The following LMOD1 variants were observed in gnomAD, a reference collection of about 807,000 sequenced individuals.
LMOD1 encodes the protein leiomodin-1.
Under a neutral mutation model 36.5 loss-of-function variants are expected in LMOD1, and 8 were observed. That is an observed-to-expected ratio of 0.22 (90% CI 0.13 to 0.40). The LOEUF is 0.40. Among genes scored for constraint, LMOD1 ranks in the 10% least tolerant of loss-of-function variants. LMOD1 has a pLI of 1.00. For synonymous variants in LMOD1, 284 were observed against 288.7 expected (o/e 0.98, Z 0.17); for missense variants, 630 against 751.1 (o/e 0.84, Z 1.88).
chr1:201,900,115 T>G lies in LMOD1; in HGVS notation c.898A>C (p.Thr300Pro). Residue 300 changes from threonine (T) to proline (P), a missense_variant, in exon 2 of 3, where the codon ACC (threonine) becomes CCC (proline). By Grantham distance (38) the Thr-to-Pro change is conservative. Around this residue, in one of 3 missense-constraint regions of LMOD1, gnomAD observed 405 missense variants for 400.6 expected, o/e 1.01. Transcript: ENST00000367288. ...TTGGCCGGTCCTTCAGAGGGCTTGG[T>G]GGGGCCACTGGGCGTCTGTTTCTCG... ...TPEKQTPSGPTKPSEGPAKVE... is the reference protein window; with the variant it reads ...TPEKQTPSGPPKPSEGPAKVE... The G allele has an allele frequency of 6.2e-7, 1 of 1,613,972 alleles. No homozygotes were observed. The highest frequency in any genetic ancestry group is 8.5e-7 in the Non-Finnish European group (1 of 1,179,872).
At chr1:201,938,575 T>C (rs1461166605) in intron 1 of LMOD1, among the ~76,000 whole-genome samples, 1 of 152,130 alleles carries the variant, frequency 6.6e-6, no homozygotes, top group Non-Finnish European at 1.5e-5. Context: ...TAGACTCATA[T>C]AGTCTGCACT....
chr1:201,924,855 AGT>A (rs962772288), intron 1 of LMOD1, among the ~76,000 whole-genome samples: 23 of 152,182 alleles, frequency 1.5e-4, no homozygotes, highest in Admixed American at 1.4e-3. Context: ...ATTGCACTCT[AGT>A]GTGTGTGACA....
intron 1 of LMOD1, among the ~76,000 whole-genome samples, chr1:201,924,748 G>A (rs1681800288): frequency 6.6e-6 from 1 of 151,810 alleles, no homozygotes; most frequent in East Asian, 1.9e-4. Flanking sequence ...GAAATAGCCA[G>A]TCATAGTGGC....
intron 1 of LMOD1, among the ~76,000 whole-genome samples, chr1:201,941,357 C>G (rs1682111781): frequency 6.6e-6 from 1 of 152,132 alleles, no homozygotes; most frequent in Non-Finnish European, 1.5e-5. Context: ...AAGAAACAAG[C>G]AGTTGCTTTT....
At position 201,896,891 on chromosome 1, in the gene LMOD1, A is replaced by AC. The variant is rs566304389; in HGVS notation, c.*1480dup. ...AGCGATCTTGCTTCCTAGCTGGGGC[A>AC]CCCCACCCTCACCTCAAAGATGGTG... On this transcript the variant is annotated 3_prime_UTR_variant, in exon 3 of 3. Transcript: ENST00000367288. 4.0e-4 allele frequency: 142 copies of AC among 358,844 alleles called. 1 individual carries two copies. Among genetic ancestry groups the AC allele is most frequent in the African/African-American group, 2.5e-3 (120 of 47,066 alleles). The allele number at this position is 358,844 out of a possible 1,614,324, so 22.2% of individuals were successfully genotyped here.
chr1:201,945,318 C>T (rs772440328), intron 1 of LMOD1, among the ~76,000 whole-genome samples: 21 of 152,270 alleles, frequency 1.4e-4, no homozygotes, highest in Non-Finnish European at 2.8e-4. Context: ...CCTTTTCCCT[C>T]CTCTATGACT....
chr1:201,934,995 G>A (rs998271984), intron 1 of LMOD1, among the ~76,000 whole-genome samples: 1 of 152,148 alleles, frequency 6.6e-6, no homozygotes, highest in Non-Finnish European at 1.5e-5. Context: ...TCTCTTCTAG[G>A]CTCATGGCTT....
intron 1 of LMOD1, among the ~76,000 whole-genome samples, chr1:201,903,526 G>C (rs1382714644): frequency 6.6e-6 from 1 of 152,228 alleles, no homozygotes; most frequent in Non-Finnish European, 1.5e-5. Flanking sequence ...TGATTTGAAA[G>C]GGACAGAAGG....
Position 201,901,966 on chromosome 1 carries a change from A to AT in LMOD1, c.262-1216dup, listed in dbSNP as rs11349780. On this transcript the variant is annotated intron_variant, in intron 1 of 2. Transcript: ENST00000367288. ...TATCATTATTATTGTTATTATTATT[A>AT]TTTTTTTTTTTTAGAGATGGGGGTC... Among the ~76,000 whole-genome samples, 297 of 110,460 alleles carry AT rather than the reference A, an allele frequency of 2.7e-3. 3 individuals are homozygous for AT. Among genetic ancestry groups the AT allele is most frequent in the Non-Finnish European group, 4.9e-3 (223 of 45,434 alleles). The allele number at this position is 110,460 out of a possible 152,430, so 72.5% of individuals were successfully genotyped here. A position where few individuals can be genotyped will look rare whatever the true frequency, so the allele number is the denominator to read the frequency against.
chr1:201,925,896 G>A (rs1405839173), intron 1 of LMOD1, among the ~76,000 whole-genome samples: 1 of 151,692 alleles, frequency 6.6e-6, no homozygotes, highest in African/African-American at 2.4e-5. Flanking sequence ...TGGAGAGACT[G>A]GGGGGCGGGG....
chr1:201,907,637 C>CA (rs371305816), intron 1 of LMOD1, among the ~76,000 whole-genome samples: 4 of 152,350 alleles, frequency 2.6e-5, no homozygotes, highest in African/African-American at 9.6e-5. Flanking sequence ...AAGCCTCCCC[C>CA]AAACCCACCC....
chr1:201,937,746 A>G (rs915987055), intron 1 of LMOD1, among the ~76,000 whole-genome samples: 7 of 152,346 alleles, frequency 4.6e-5, no homozygotes, highest in Non-Finnish European at 8.8e-5. Flanking sequence ...ATCCTGGGGA[A>G]CAGAGTGAGA....
At chr1:201,941,858 G>A (rs1055800935) in intron 1 of LMOD1, among the ~76,000 whole-genome samples, 1 of 152,196 alleles carries the variant, frequency 6.6e-6, no homozygotes, top group East Asian at 1.9e-4. Flanking sequence ...GGGTACAGGC[G>A]CTAATCCCCA....
intron 1 of LMOD1, among the ~76,000 whole-genome samples, chr1:201,909,744 C>T (rs1681462992): frequency 6.6e-6 from 1 of 152,214 alleles, no homozygotes; most frequent in Non-Finnish European, 1.5e-5. Context: ...GCCCCAGGTG[C>T]CTCTCATCCA....
chr1:201,916,508 C>T (rs897612482), intron 1 of LMOD1, among the ~76,000 whole-genome samples: 4 of 127,568 alleles, frequency 3.1e-5, no homozygotes, highest in Admixed American at 8.8e-5. Flanking sequence ...GAGAGAGACC[C>T]TGTCTCAAAA....
At chr1:201,908,697 G>T (rs1005110730) in intron 1 of LMOD1, among the ~76,000 whole-genome samples, 1 of 152,140 alleles carries the variant, frequency 6.6e-6, no homozygotes, top group Non-Finnish European at 1.5e-5. Context: ...GCAGGAGAGA[G>T]TAAGAACACT....
At chr1:201,941,644 T>A (rs976963705) in intron 1 of LMOD1, among the ~76,000 whole-genome samples, 3 of 152,110 alleles carry the variant, frequency 2.0e-5, no homozygotes, top group African/African-American at 7.2e-5. Context: ...CCCGGCCCCG[T>A]AGAGATACCA....
chr1:201,908,638 G>A (rs568936613), intron 1 of LMOD1, among the ~76,000 whole-genome samples: 67 of 152,176 alleles, frequency 4.4e-4, no homozygotes, highest in East Asian at 2.9e-3. Context: ...TGTACTTTCC[G>A]AGACTACTGA....
rs372675005 is a variant in LMOD1, at chr1:201,936,063, C to T, written c.261+10017G>A. Among the ~76,000 whole-genome samples, 155 of 139,996 alleles carry T rather than the reference C, an allele frequency of 1.1e-3. 1 individual carries two copies. The highest frequency in any genetic ancestry group is 4.1e-3 in the African/African-American group (149 of 36,672). The allele number at this position is 139,996 out of a possible 152,430, so 91.8% of individuals were successfully genotyped here. A position where few individuals can be genotyped will look rare whatever the true frequency, so the allele number is the denominator to read the frequency against. ...CCAGGAGGCGGAGGTTGCAGTGAGC[C>T]GAGATCACACCATTGCACTCCAGAC... On this transcript the variant is annotated intron_variant, in intron 1 of 2. Coordinates refer to ENST00000367288, the MANE Select transcript of LMOD1 (RefSeq NM_012134.3).
Sources: gnomAD v4.1 joint callset for allele counts (sites outside exome capture counted in the v4.1 genomes callset) on GRCh38, gnomAD v4.1.1 for gene constraint, gnomAD v4.1.1 regional missense constraint, MANE v1.5 for transcripts, NCBI Gene and HGNC (gene_info 2026-07-23, HGNC 2026-07-21) for gene names.